The following WDR4 variants were observed in gnomAD, a reference collection of about 807,000 sequenced individuals.
WDR4 encodes the protein tRNA (guanine-N(7)-)-methyltransferase non-catalytic subunit WDR4.
In WDR4, 47 loss-of-function variants were observed where a neutral mutation model predicts 48.6. That is an observed-to-expected ratio of 0.97 (90% CI 0.77 to 1.23). The LOEUF is 1.23. Among genes scored for constraint, WDR4 ranks in the 50% most tolerant of loss-of-function variants. The pLI is 0.00. For missense variants in WDR4, 606 were observed against 551.6 expected, an observed-to-expected ratio of 1.10 and a Z score of -0.99; for synonymous variants, 268 against 230.0, an observed-to-expected ratio of 1.17 and a Z score of -1.49.
At chr21:42,880,656 ATC>A (rs1459245211), upstream of WDR4, among the ~76,000 whole-genome samples, 1 of 152,120 alleles carries the variant, frequency 6.6e-6, no homozygotes, top group African/African-American at 2.4e-5. Context: ...CCCAGGCTGT[ATC>A]TCAGCACAGC....
At chr21:42,873,401 T>A in intron 3 of WDR4, 150 bp downstream of exon 3, 3 of 1,121,412 alleles carry the variant, frequency 2.7e-6, no homozygotes, top group Non-Finnish European at 3.9e-6. Context: ...AACACACATG[T>A]GGCACTGAAA....
At position 42,850,045 on chromosome 21, in the gene WDR4, A is replaced by C. The variant is rs1569310508; in HGVS notation, c.*4T>G. 6.2e-7 allele frequency: 1 copy of C among 1,613,622 alleles called. No individual in the cohort carries two copies. The highest frequency in any genetic ancestry group is 8.5e-7 in the Non-Finnish European group (1 of 1,179,876). ...GAGGTGAGAGACACCACTGACCGCC[A>C]CGATCAGCAACTTAGCGTCGCCTCC... On this transcript the variant is annotated 3_prime_UTR_variant, in exon 11 of 11. Transcript: ENST00000398208.
At chr21:42,888,297 C>T in the WDR4 span, among the ~76,000 whole-genome samples, 1 of 152,080 alleles carries the variant, frequency 6.6e-6, no homozygotes, top group African/African-American at 2.4e-5. Flanking sequence ...AGTGGCTCAC[C>T]CCTGTAATCT....
intron 2 of WDR4, among the ~76,000 whole-genome samples, chr21:42,874,578 C>A (rs371760291): frequency 3.4e-4 from 52 of 152,222 alleles, no homozygotes; most frequent in African/African-American, 1.2e-3. Context: ...CAAGGAACAT[C>A]CCTGAGAAAG....
intron 6 of WDR4, among the ~76,000 whole-genome samples, 166 bp from the exon 7 acceptor site, chr21:42,855,946 A>G (rs913833360): frequency 1.3e-5 from 2 of 152,222 alleles, no homozygotes; most frequent in African/African-American, 4.8e-5. Flanking sequence ...TCGCTCATGC[A>G]AATCATCAAG....
At position 42,852,408 on chromosome 21, in the gene WDR4, G is replaced by A. The variant is rs542984572; in HGVS notation, c.976-84C>T. 12 of 1,482,468 alleles carry A rather than the reference G, an allele frequency of 8.1e-6. No homozygotes were observed. In the African/African-American group the frequency reaches 1.4e-4, roughly 17 times the overall value. The allele number at this position is 1,482,468 out of a possible 1,614,324, so 91.8% of individuals were successfully genotyped here. On this transcript the variant is annotated intron_variant, in intron 9 of 10. Coordinates refer to ENST00000398208, the MANE Select transcript of WDR4 (RefSeq NM_018669.6). ...CAGGACGCAACACATGCTGGCCAGA[G>A]AGGCTTGCAGGGGAGGTCCCCTCCT...
In WDR4 at chr21:42,862,216, G is replaced by A. The variant is rs1456803887; in HGVS notation, c.566+66C>T. 1 of 1,438,992 alleles carries A rather than the reference G, an allele frequency of 6.9e-7. No homozygotes were observed. Among genetic ancestry groups the A allele is most frequent in the Non-Finnish European group, 9.4e-7 (1 of 1,058,546 alleles). 89.1% of individuals were successfully genotyped at this position (1,438,992 alleles called of 1,614,324 possible). ...CGCCAGCTACAACGGCACCTGCTGAGCCGCAAGCTGACGCTGTTTTCAAAC... is the reference window on the plus strand; with the variant it reads ...CGCCAGCTACAACGGCACCTGCTGAACCGCAAGCTGACGCTGTTTTCAAAC... On this transcript the variant is annotated intron_variant, in intron 5 of 10. Coordinates refer to ENST00000398208, the MANE Select transcript of WDR4 (RefSeq NM_018669.6). The surrounding 1 kb of genome is among the most constrained non-coding windows in gnomAD (Gnocchi z 4.3).
intron 5 of WDR4, 54 bp from the exon 6 acceptor site, chr21:42,859,776 C>T (rs531030692): frequency 1.1e-4 from 166 of 1,541,454 alleles, no homozygotes; most frequent in Admixed American, 7.6e-4. Flanking sequence ...CCGCAGGGAC[C>T]GGGAGGCCTG....
chr21:42,865,500 G>A (rs915051338), intron 3 of WDR4, among the ~76,000 whole-genome samples: 2 of 152,096 alleles, frequency 1.3e-5, no homozygotes, highest in African/African-American at 4.8e-5. Context: ...CGTGCCTCCT[G>A]CCCAGCTCAG....
At chr21:42,883,098 C>CAAAA (rs35978225), upstream of WDR4, among the ~76,000 whole-genome samples, 21 of 87,240 alleles carry the variant, frequency 2.4e-4, 1 homozygote, top group African/African-American at 8.9e-4. Context: ...GACTCCGTCT[C>CAAAA]AAAAAAAAAA....
Position 42,850,058 on chromosome 21 carries a change from T to C in WDR4, c.1230A>G (p.Leu410=). 3 of 1,613,816 alleles carry C rather than the reference T, an allele frequency of 1.9e-6. No individual in the cohort carries two copies. The highest frequency in any genetic ancestry group is 2.2e-5 in the East Asian group (1 of 44,882). ...CCACTGACCGCCACGATCAGCAACT[T>C]AGCGTCGCCTCCCCCGGTCTCATCT... is the stretch of plus-strand genomic sequence containing the variant. ...AKKMRPGEAT[L]SC is the part of the protein sequence containing the mutation. The change falls in exon 11 of 11, where the codon CTA becomes CTG. Residue 410 remains leucine, a synonymous_variant. Transcript: ENST00000398208.
At chr21:42,843,864 AATT>A (rs2057687537) in intron 11 of WDR4, among the ~76,000 whole-genome samples, 1 of 152,018 alleles carries the variant, frequency 6.6e-6, no homozygotes, top group South Asian at 2.1e-4. Context: ...TGACCTTTTT[AATT>A]ATTTTTAAAG....
intron 2 of WDR4, among the ~76,000 whole-genome samples, chr21:42,873,946 T>A (rs1046717747): frequency 7.2e-5 from 11 of 152,144 alleles, no homozygotes; most frequent in African/African-American, 2.7e-4. Flanking sequence ...GGAAGAACCC[T>A]CAATGACACA....
At chr21:42,889,234 C>T in the WDR4 span, among the ~76,000 whole-genome samples, 4 of 151,278 alleles carry the variant, frequency 2.6e-5, no homozygotes, top group East Asian at 1.9e-4. Flanking sequence ...CCGCCAACCT[C>T]GGCCTCCCAA....
intron 9 of WDR4, 102 bp from the exon 10 acceptor site, chr21:42,852,426 C>A (rs1419430827): frequency 2.2e-6 from 3 of 1,354,100 alleles, no homozygotes; most frequent in African/African-American, 2.9e-5. Context: ...CAGGGGAGGT[C>A]CCCTCCTGGT....
At chr21:42,871,121 C>T (rs1029232332) in intron 3 of WDR4, among the ~76,000 whole-genome samples, 1 of 152,106 alleles carries the variant, frequency 6.6e-6, no homozygotes. Context: ...CACAAAAGGA[C>T]GACTCTGTGA....
At chr21:42,854,374 C>G (rs1222304100) in intron 8 of WDR4, among the ~76,000 whole-genome samples, 188 bp downstream of exon 8, 1 of 152,214 alleles carries the variant, frequency 6.6e-6, no homozygotes, top group African/African-American at 2.4e-5. Context: ...AGAGCGCTGG[C>G]TGAGAGGAGC....
chr21:42,874,758 C>T (rs1409229233), intron 2 of WDR4, among the ~76,000 whole-genome samples: 1 of 152,138 alleles, frequency 6.6e-6, no homozygotes, highest in Non-Finnish European at 1.5e-5. Flanking sequence ...TACTCTCAAA[C>T]CCTGTCTCCT....
chr21:42,846,704 C>A (rs539321548), downstream of WDR4, among the ~76,000 whole-genome samples: 12 of 152,162 alleles, frequency 7.9e-5, no homozygotes, highest in East Asian at 1.7e-3. Flanking sequence ...CAGAGTGAGA[C>A]CGTCTGGAAG....
Sources: gnomAD v4.1 joint callset for allele counts (sites outside exome capture counted in the v4.1 genomes callset) on GRCh38, gnomAD v4.1.1 for gene constraint, Gnocchi (gnomAD v3.1) non-coding constraint, MANE v1.5 for transcripts, NCBI Gene and HGNC (gene_info 2026-07-23, HGNC 2026-07-21) for gene names.